Variants in SLC44A2 observed in about 807,000 individuals in gnomAD.
The protein encoded by SLC44A2 is solute carrier family 44 member 2 (CTL2 blood group), also known as choline transporter-like protein 2.
In SLC44A2, 57 loss-of-function variants were observed where a neutral mutation model predicts 90.8. The observed-to-expected ratio is 0.63, with a 90% CI of 0.51 to 0.78. The LOEUF is 0.78. Among genes scored for constraint, SLC44A2 ranks in the 30% least tolerant of loss-of-function variants. SLC44A2 has a pLI of 0.00. For synonymous variants in SLC44A2, 355 were observed against 360.7 expected (o/e 0.98, Z 0.18); for missense variants, 794 against 919.7 (o/e 0.86, Z 1.77).
At chr19:10,628,559 C>A (rs572968585) in intron 4 of SLC44A2, among the ~76,000 whole-genome samples, 4 of 152,212 alleles carry the variant, frequency 2.6e-5, no homozygotes, top group African/African-American at 9.6e-5. Context: ...CTCAACAAAA[C>A]AACAAGAAAA....
intron 1 of SLC44A2, among the ~76,000 whole-genome samples, chr19:10,614,996 A>T (rs950625046): frequency 2.7e-5 from 4 of 150,718 alleles, no homozygotes; most frequent in Non-Finnish European, 5.9e-5. Flanking sequence ...AAAGAAGAAG[A>T]AAAGAAAAGA....
At position 10,635,462 on chromosome 19, in the gene SLC44A2, A is replaced by G. The variant is rs1158615998; in HGVS notation, c.1180A>G (p.Lys394Glu). The G allele has an allele frequency of 6.2e-7, 1 of 1,613,904 alleles. No homozygotes were observed. Among genetic ancestry groups the G allele is most frequent in the African/African-American group, 1.3e-5 (1 of 74,918 alleles). ...FLSTSNEAVY[K>E]IFDDSPCPFT... Reference sequence around the variant, plus strand: ...GTCCACTTCCAACGAAGCGGTCTATAAGATCTTTGATGACAGCCCCTGCCC... The same window carrying G: ...GTCCACTTCCAACGAAGCGGTCTATGAGATCTTTGATGACAGCCCCTGCCC... The change falls in exon 14 of 22, where the codon AAG becomes GAG. Residue 394 changes from lysine (K) to glutamate (E), a missense_variant. Physicochemically the swap from Lys to Glu is moderately conservative, Grantham distance 56. Transcript: ENST00000335757.
In SLC44A2 at chr19:10,635,589, ACTTGGAGGTT is replaced by A. The variant is rs146353948; in HGVS notation, c.1233+76_1233+85del. ...AGATGATTTGAAACCTCTCATGTCC[ACTTGGAGGTT>A]CAGCAAACAATTGGCCCCTGTTGCA... On this transcript the variant is annotated intron_variant, in intron 14 of 21. Coordinates refer to ENST00000335757, the MANE Select transcript of SLC44A2 (RefSeq NM_020428.4). 975 of 1,343,752 alleles carry A rather than the reference ACTTGGAGGTT, an allele frequency of 7.3e-4. 12 individuals are homozygous for A. The African/African-American group carries it at 0.013, about 18-fold the overall frequency. The allele number at this position is 1,343,752 out of a possible 1,614,324, so 83.2% of individuals were successfully genotyped here. A position where few individuals can be genotyped will look rare whatever the true frequency, so the allele number is the denominator to read the frequency against.
intron 10 of SLC44A2, among the ~76,000 whole-genome samples, chr19:10,634,239 T>C (rs1354885334): frequency 1.4e-5 from 2 of 148,088 alleles, no homozygotes; most frequent in South Asian, 2.2e-4. Flanking sequence ...CCACCCGTCT[T>C]GGCCTCCCAA....
chr19:10,628,038 G>T, intron 4 of SLC44A2, 34 bp downstream of exon 4: 1 of 1,563,272 alleles, frequency 6.4e-7, no homozygotes, highest in Non-Finnish European at 8.8e-7. Context: ...GTGGGGCTGG[G>T]GAAGAGGGGG....
chr19:10,641,898 C>G (rs2067120182), intron 20 of SLC44A2, among the ~76,000 whole-genome samples: 1 of 151,880 alleles, frequency 6.6e-6, no homozygotes, highest in East Asian at 1.9e-4. Flanking sequence ...TGGCTCACGC[C>G]TGTAATCCCA....
chr19:10,610,488 T>C (rs1012298615), intron 1 of SLC44A2, among the ~76,000 whole-genome samples: 16 of 150,050 alleles, frequency 1.1e-4, no homozygotes, highest in Non-Finnish European at 1.9e-4. Context: ...CCCGCCACCA[T>C]GCCCGGCTGA....
Position 10,638,304 on chromosome 19 carries a change from G to A in SLC44A2, c.1918G>A (p.Val640Ile). 6.2e-7 allele frequency: 1 copy of A among 1,613,964 alleles called. No individual in the cohort carries two copies. Among genetic ancestry groups the A allele is most frequent in the Non-Finnish European group, 8.5e-7 (1 of 1,179,904 alleles). Residue 640 changes from valine to isoleucine, a missense_variant, in exon 20 of 22, where the codon GTT becomes ATT. Physicochemically the swap from Val to Ile is conservative, Grantham distance 29. Around this residue, in one of 3 missense-constraint regions of SLC44A2, gnomAD observed 738 missense variants for 841.1 expected, o/e 0.88. Transcript: ENST00000335757. ...AGCACCACCCCTCAATTATTACTGGGTTCCTATACTGGTATGGACCTCTGG... is the reference window on the plus strand; with the variant it reads ...AGCACCACCCCTCAATTATTACTGGATTCCTATACTGGTATGGACCTCTGG... ...DTAPPLNYYW[V>I]PILTVIVGSY...
chr19:10,606,319 G>A (rs1362230676), intron 1 of SLC44A2, among the ~76,000 whole-genome samples: 1 of 151,808 alleles, frequency 6.6e-6, no homozygotes, highest in Non-Finnish European at 1.5e-5. Flanking sequence ...CAGATTCCCT[G>A]GTCCCATTTG....
chr19:10,619,351 T>C (rs888160975), intron 1 of SLC44A2, among the ~76,000 whole-genome samples: 1 of 148,780 alleles, frequency 6.7e-6, no homozygotes, highest in African/African-American at 2.5e-5. Flanking sequence ...GGGCTTGAGC[T>C]CAGGGGGTAG....
chr19:10,610,930 G>A (rs1918283129), intron 1 of SLC44A2, among the ~76,000 whole-genome samples: 1 of 151,506 alleles, frequency 6.6e-6, no homozygotes, highest in African/African-American at 2.4e-5. Flanking sequence ...GTGAGCCACC[G>A]CGCCCCGCCA....
In SLC44A2 at chr19:10,626,256, C is replaced by G. The variant is rs763675490; in HGVS notation, c.41C>G (p.Thr14Arg). The change falls in exon 2 of 22, where the codon ACG becomes AGG. Residue 14 changes from threonine to arginine, a missense_variant. Around this residue, in one of 3 missense-constraint regions of SLC44A2, gnomAD observed 738 missense variants for 841.1 expected, o/e 0.88. Coordinates refer to ENST00000335757, the MANE Select transcript of SLC44A2 (RefSeq NM_020428.4). ...ERPHYYGKHG[T>R]PQKYDPTFKG... ...TCTTAATCTTCTTGACTTTCAGGAA[C>G]GCCACAGAAGTATGATCCCACTTTC... 1.2e-6 allele frequency: 2 copies of G among 1,612,964 alleles called. No homozygotes were observed. Among genetic ancestry groups the G allele is most frequent in the South Asian group, 2.2e-5 (2 of 91,056 alleles).
At chr19:10,606,364 C>T (rs1005162393) in intron 1 of SLC44A2, among the ~76,000 whole-genome samples, 8 of 151,910 alleles carry the variant, frequency 5.3e-5, no homozygotes, top group Non-Finnish European at 1.0e-4. Context: ...GAGGCCCTGG[C>T]ACCTGATTTA....
chr19:10,615,946 G>A (rs2066851712), intron 1 of SLC44A2, among the ~76,000 whole-genome samples: 1 of 151,986 alleles, frequency 6.6e-6, no homozygotes, highest in Admixed American at 6.6e-5. Context: ...GGGATTGCCT[G>A]AGCCAAGGAT....
At chr19:10,625,757 G>C in intron 1 of SLC44A2, 87 bp downstream of exon 1, 1 of 1,117,864 alleles carries the variant, frequency 8.9e-7, no homozygotes, top group Non-Finnish European at 1.1e-6. Flanking sequence ...GCAGGGAAGG[G>C]GGCTGGAGGG....
At chr19:10,613,202 C>T (rs1213367179) in intron 1 of SLC44A2, among the ~76,000 whole-genome samples, 3 of 151,848 alleles carry the variant, frequency 2.0e-5, no homozygotes, top group Admixed American at 2.0e-4. Flanking sequence ...GGACCACAGG[C>T]ATGCACCACC....
intron 10 of SLC44A2, among the ~76,000 whole-genome samples, chr19:10,634,137 ATTTTTTTTT>A (rs1177075276): frequency 1.9e-4 from 15 of 80,312 alleles, no homozygotes; most frequent in South Asian, 1.1e-3. Context: ...CGCCCAGCTA[ATTTTTTTTT>A]TTTTTTTTTT....
intron 1 of SLC44A2, among the ~76,000 whole-genome samples, chr19:10,604,015 C>G: frequency 6.6e-6 from 1 of 152,174 alleles, no homozygotes; most frequent in East Asian, 1.9e-4. Context: ...GACAGGGGAC[C>G]CTGCCAGACA....
At chr19:10,637,564 G>T (rs1190368764) in intron 16 of SLC44A2, 80 bp from the exon 17 acceptor site, 1 of 1,271,404 alleles carries the variant, frequency 7.9e-7, no homozygotes, top group Non-Finnish European at 1.1e-6. Flanking sequence ...ATTGGCAAGT[G>T]TGTGTGATAG....
Sources: allele counts gnomAD v4.1 joint callset (sites outside exome capture counted in the v4.1 genomes callset), GRCh38; gene constraint gnomAD v4.1.1; regional missense constraint gnomAD v4.1.1; transcripts MANE v1.5; gene names NCBI Gene and HGNC (gene_info 2026-07-23, HGNC 2026-07-21).